The following WASHC4 variants were observed in gnomAD, a reference collection of about 807,000 sequenced individuals.
WASHC4 encodes the protein WASH complex subunit 7.
Under a neutral mutation model 166.6 loss-of-function variants are expected in WASHC4, and 86 were observed. The observed-to-expected ratio is 0.52, with a 90% confidence interval of 0.43 to 0.62. WASHC4 has a LOEUF of 0.62. WASHC4 is among the 20% of genes least tolerant of loss of function. WASHC4 has a pLI of 0.00. For synonymous variants in WASHC4, 446 were observed against 451.6 expected (o/e 0.99, Z 0.16); for missense variants, 1,262 against 1,382.4 (o/e 0.91, Z 1.38).
chr12:105,124,819 A>G (rs1881124809), intron 10 of WASHC4, among the ~76,000 whole-genome samples: 3 of 152,166 alleles, frequency 2.0e-5, no homozygotes, highest in African/African-American at 7.2e-5. Flanking sequence ...AGTCTGTTTA[A>G]TTCTTCCTAG....
At chr12:105,159,456 A>G (rs947327450) in intron 28 of WASHC4, among the ~76,000 whole-genome samples, 3 of 152,208 alleles carry the variant, frequency 2.0e-5, no homozygotes, top group Non-Finnish European at 4.4e-5. Flanking sequence ...TGTTAGGAAG[A>G]AGTAGTTGAG....
intron 29 of WASHC4, 97 bp downstream of exon 29, chr12:105,160,245 A>G: frequency 3.1e-6 from 3 of 975,810 alleles, no homozygotes; most frequent in South Asian, 2.8e-5. Flanking sequence ...TACAGACTAC[A>G]CTATTAATTT....
Position 105,111,466 on chromosome 12 carries a change from A to G in WASHC4, c.201+202A>G, listed in dbSNP as rs1879671293. 2.0e-5 allele frequency among the ~76,000 whole-genome samples: 3 copies of G among 152,212 alleles called. No individual in the cohort carries two copies. In the South Asian group the frequency reaches 6.2e-4, roughly 31 times the overall value. On this transcript the variant is annotated intron_variant, in intron 2 of 32. Coordinates refer to ENST00000332180, the MANE Select transcript of WASHC4 (RefSeq NM_015275.3). Reference sequence around the variant, plus strand: ...TGTGTTTTCTGTTTAAGAATGACAAACACACAGCCTTTAGTGTCAAAGAAT... The same window carrying G: ...TGTGTTTTCTGTTTAAGAATGACAAGCACACAGCCTTTAGTGTCAAAGAAT...
rs746448528 is a variant in WASHC4 at position 105,127,188 on chromosome 12, G to T, written c.1098G>T (p.Gln366His). The change falls in exon 13 of 33, where the codon CAG becomes CAT. Residue 366 changes from glutamine to histidine, a missense_variant. Physicochemically the swap from Gln to His is conservative, Grantham distance 24 (BLOSUM62 0). Coordinates refer to ENST00000332180, the MANE Select transcript of WASHC4 (RefSeq NM_015275.3). ...GGTTTCCTGATAATTTTCTGATCCA[G>T]AAAATACCAGCAGCTGCCAAACTGC... ...IIWFPDNFLI[Q>H]KIPAAAKLLD... 2 of 1,612,522 alleles carry T rather than the reference G, an allele frequency of 1.2e-6. No individual in the cohort carries two copies. The highest frequency in any genetic ancestry group is 1.7e-6 in the Non-Finnish European group (2 of 1,178,872).
intron 19 of WASHC4, 33 bp from the exon 20 acceptor site, chr12:105,143,093 TC>T (rs1455565483): frequency 7.3e-7 from 1 of 1,374,714 alleles, no homozygotes; most frequent in African/African-American, 1.4e-5. Context: ...ACCTGGTTTT[TC>T]TAAATTCATG....
In WASHC4 at chr12:105,140,301, A is replaced by G. The variant is rs774611024; in HGVS notation, c.1460A>G (p.Glu487Gly). The change falls in exon 16 of 33, where the codon GAG becomes GGG. Residue 487 changes from glutamate to glycine, a missense_variant. By Grantham distance (98) the Glu-to-Gly change is moderately conservative (BLOSUM62 -2). Coordinates refer to ENST00000332180, the MANE Select transcript of WASHC4 (RefSeq NM_015275.3). ...ATTTCTGATTCTTTTTAGGCAATAGAGCATATGTTCTACAGGAGAAGCATG... is the reference window on the plus strand; with the variant it reads ...ATTTCTGATTCTTTTTAGGCAATAGGGCATATGTTCTACAGGAGAAGCATG... ...CRLVELLKAIEHMFYRRSMVV... is the reference protein window; with the variant it reads ...CRLVELLKAIGHMFYRRSMVV... 53 of 1,610,014 alleles carry G rather than the reference A, an allele frequency of 3.3e-5. No individual in the cohort carries two copies. Among genetic ancestry groups the G allele is most frequent in the Non-Finnish European group, 4.3e-5 (51 of 1,176,374 alleles).
intron 26 of WASHC4, among the ~76,000 whole-genome samples, chr12:105,155,758 C>T (rs1398527611): frequency 6.6e-6 from 1 of 152,150 alleles, no homozygotes; most frequent in Non-Finnish European, 1.5e-5. Context: ...AGGAGAATCG[C>T]TTGAACTGCA....
Position 105,159,241 on chromosome 12 carries a change from G to A in WASHC4, c.2913-760G>A, listed in dbSNP as rs893491882. On this transcript the variant is annotated intron_variant, in intron 28 of 32. Transcript: ENST00000332180. Reference sequence around the variant, plus strand: ...AGCAGTGTGAGGAAATCAGAGAGTAGGATATTGTCTTCTAAGATCTCTAGG... The same window carrying A: ...AGCAGTGTGAGGAAATCAGAGAGTAAGATATTGTCTTCTAAGATCTCTAGG... Among the ~76,000 whole-genome samples, 11 of 152,178 alleles carry A rather than the reference G, an allele frequency of 7.2e-5. 1 individual carries two copies. Among genetic ancestry groups the A allele is most frequent in the Admixed American group, 5.2e-4 (8 of 15,278 alleles).
intron 24 of WASHC4, chr12:105,149,097 C>CT (rs2135813167): frequency 5.1e-6 from 5 of 985,098 alleles, no homozygotes; most frequent in South Asian, 4.7e-5. Flanking sequence ...AGGACCATGT[C>CT]TAGCATGGGA....
intron 14 of WASHC4, among the ~76,000 whole-genome samples, chr12:105,135,119 CTGT>C (rs898448630): frequency 3.9e-5 from 6 of 152,070 alleles, no homozygotes; most frequent in African/African-American, 1.4e-4. Context: ...ATCTTCTGTG[CTGT>C]TGTTGTGTAC....
chr12:105,129,785 T>C (rs1881630466), intron 13 of WASHC4, among the ~76,000 whole-genome samples: 1 of 152,234 alleles, frequency 6.6e-6, no homozygotes, highest in African/African-American at 2.4e-5. Context: ...TCCAGTAGGC[T>C]AAACTAAAAC....
At position 105,144,887 on chromosome 12, in the gene WASHC4, GTTTTTT is replaced by G; in HGVS notation, c.2334+18_2334+23del. Reference sequence around the variant, plus strand: ...CTTTGGAACAGGTATAGTATAAAATGTTTTTTTTAGCATACTGTGACTGTTGGCTGT... The same window carrying G: ...CTTTGGAACAGGTATAGTATAAAATGTTAGCATACTGTGACTGTTGGCTGT... On this transcript the variant is annotated intron_variant, in intron 22 of 32. Transcript: ENST00000332180. 6.2e-7 allele frequency: 1 copy of G among 1,608,188 alleles called. No individual in the cohort carries two copies. The highest frequency in any genetic ancestry group is 8.5e-7 in the Non-Finnish European group (1 of 1,176,392).
rs1412909862 is a variant in WASHC4, at chr12:105,143,916, G to T, written c.2011-371G>T. Reference sequence around the variant, plus strand: ...TAGAACTCCTTGGTAGACCAGAAAAGATGATTAATTTTATTACCTTTAGCA... The same window carrying T: ...TAGAACTCCTTGGTAGACCAGAAAATATGATTAATTTTATTACCTTTAGCA... On this transcript the variant is annotated intron_variant, in intron 20 of 32. Coordinates refer to ENST00000332180, the MANE Select transcript of WASHC4 (RefSeq NM_015275.3). Among the ~76,000 whole-genome samples the T allele has an allele frequency of 5.3e-5, 8 of 151,862 alleles. No individual in the cohort carries two copies. The East Asian group carries it at 1.5e-3, about 29-fold the overall frequency.
At chr12:105,112,174 G>C (rs754309351) in intron 2 of WASHC4, among the ~76,000 whole-genome samples, 1 of 152,064 alleles carries the variant, frequency 6.6e-6, no homozygotes, top group Non-Finnish European at 1.5e-5. Context: ...TTTGTTGCTG[G>C]CTTCTTTAAC....
In WASHC4 at chr12:105,146,048, A is replaced by G. The variant is rs140294410; in HGVS notation, c.2335-404A>G. ...AGAATTACATATAAGGAACCTTGCA[A>G]AGTACCTGAAAAATAGTATGTATTT... is the stretch of plus-strand genomic sequence containing the variant. On this transcript the variant is annotated intron_variant, in intron 22 of 32. Coordinates refer to ENST00000332180, the MANE Select transcript of WASHC4 (RefSeq NM_015275.3). Among the ~76,000 whole-genome samples the G allele has an allele frequency of 3.6e-3, 541 of 152,230 alleles. 3 individuals carry two copies. Among genetic ancestry groups the G allele is most frequent in the African/African-American group, 0.012 (516 of 41,576 alleles).
chr12:105,133,944 A>G, intron 14 of WASHC4, 48 bp downstream of exon 14: 1 of 1,578,118 alleles, frequency 6.3e-7, no homozygotes, highest in Non-Finnish European at 8.7e-7. Context: ...AATCCAACTT[A>G]CAGAAGTTAA....
chr12:105,111,204 C>T lies in WASHC4; in HGVS notation c.141C>T (p.Asp47=), dbSNP rs368178226. The T allele has an allele frequency of 5.4e-5, 87 of 1,605,938 alleles. No homozygotes were observed. The highest frequency in any genetic ancestry group is 2.1e-4 in the African/African-American group (16 of 74,702). Residue 47 remains aspartate, a synonymous_variant, in exon 2 of 33, where the codon GAC becomes GAT. Coordinates refer to ENST00000332180, the MANE Select transcript of WASHC4 (RefSeq NM_015275.3). ...EYTSQLRRIE[D]ALDDSIGDVW... Reference sequence around the variant, plus strand: ...CCTCTCAACTGAGAAGAATTGAGGACGCTCTGGATGACTCAATTGGAGATG... The same window carrying T: ...CCTCTCAACTGAGAAGAATTGAGGATGCTCTGGATGACTCAATTGGAGATG...
intron 32 of WASHC4, among the ~76,000 whole-genome samples, chr12:105,165,718 T>C (rs1022731321): frequency 1.3e-5 from 2 of 152,206 alleles, no homozygotes; most frequent in African/African-American, 4.8e-5. Context: ...AACTACCTTA[T>C]TTCTTGACAT....
intron 5 of WASHC4, 79 bp downstream of exon 5, chr12:105,115,308 T>C (rs1880074034): frequency 1.1e-6 from 1 of 876,480 alleles, no homozygotes; most frequent in Non-Finnish European, 1.9e-6. Flanking sequence ...TTAGGACTAC[T>C]ATGATTATAT....
Sources: gnomAD v4.1 joint callset for allele counts (sites outside exome capture counted in the v4.1 genomes callset) on GRCh38, gnomAD v4.1.1 for gene constraint, MANE v1.5 for transcripts, NCBI Gene and HGNC (gene_info 2026-07-23, HGNC 2026-07-21) for gene names.